The following PTCHD1 variants were observed in gnomAD, a reference collection of about 807,000 sequenced individuals.
PTCHD1 encodes the protein patched domain containing 1.
A neutral mutation model predicts 34.6 loss-of-function variants in PTCHD1; 3 were observed. The observed-to-expected ratio is 0.09, with a 90% confidence interval of 0.04 to 0.22. The LOEUF is 0.22. Ranked by LOEUF, PTCHD1 falls within the 10% of genes least tolerant of loss-of-function variation. The probability of loss-of-function intolerance (pLI) is 1.00; values close to 1 mark genes in which losing one functional copy is unlikely to be tolerated. For missense variants in PTCHD1, 504 were observed against 685.5 expected, an observed-to-expected ratio of 0.74 and a Z score of 2.96; for synonymous variants, 305 against 283.1, an observed-to-expected ratio of 1.08 and a Z score of -0.77.
chrX:23,391,762 T>C (rs192327351), intron 2 of PTCHD1, among the ~76,000 whole-genome samples: 2 of 112,142 alleles, frequency 1.8e-5, no homozygotes. Context: ...TCCAGACATC[T>C]TCTCTTCTCT....
chrX:23,372,484 C>G (rs1334970294), intron 1 of PTCHD1, among the ~76,000 whole-genome samples: 1 of 111,110 alleles, frequency 9.0e-6, no homozygotes, highest in Non-Finnish European at 1.9e-5. Context: ...TTGTTTATCT[C>G]TAAGTCATGT....
At position 23,379,741 on chromosome X, in the gene PTCHD1, C is replaced by T. The variant is rs753897718; in HGVS notation, c.502C>T (p.Arg168Trp). Residue 168 changes from arginine (R) to tryptophan (W), a missense_variant, in exon 2 of 3, where the codon CGG (arginine) becomes TGG (tryptophan). Transcript: ENST00000379361. ...EELKNARATNRTNFAITYPIT... is the reference protein window; with the variant it reads ...EELKNARATNWTNFAITYPIT... ...GCTAAAGAATGCTCGGGCCACCAAT[C>T]GGACCAATTTTGCTATCACATACCC... 6 of 1,211,271 alleles carry T rather than the reference C, an allele frequency of 5.0e-6. No homozygotes were observed. Among genetic ancestry groups the T allele is most frequent in the African/African-American group, 3.5e-5 (2 of 57,586 alleles).
At chrX:23,371,634 G>A (rs1276341067) in intron 1 of PTCHD1, among the ~76,000 whole-genome samples, 2 of 110,944 alleles carry the variant, frequency 1.8e-5, no homozygotes, top group Non-Finnish European at 3.8e-5. Context: ...GGGGATATGC[G>A]CAGGGCCCAG....
intron 1 of PTCHD1, among the ~76,000 whole-genome samples, chrX:23,372,470 T>C (rs969866892): frequency 9.0e-6 from 1 of 111,024 alleles, no homozygotes; most frequent in African/African-American, 3.3e-5. Flanking sequence ...ATAGGTTCAT[T>C]GTTTTGTTTA....
In PTCHD1 at chrX:23,370,463, C is replaced by T. The variant is rs1352424052; in HGVS notation, c.352-9128C>T. 3.0e-4 allele frequency among the ~76,000 whole-genome samples: 34 copies of T among 112,134 alleles called. No individual in the cohort carries two copies. The Admixed American group carries it at 3.1e-3, about 10-fold the overall frequency. ...GAAATGCTCCTGTGATTTTTAAGGGCAGTAGCTTTGTATGAGAACCTTGAG... is the reference window on the plus strand; with the variant it reads ...GAAATGCTCCTGTGATTTTTAAGGGTAGTAGCTTTGTATGAGAACCTTGAG... On this transcript the variant is annotated intron_variant, in intron 1 of 2. Coordinates refer to ENST00000379361, the MANE Select transcript of PTCHD1 (RefSeq NM_173495.3).
chrX:23,382,281 TTAAG>T (rs1190077386), intron 2 of PTCHD1, among the ~76,000 whole-genome samples: 1 of 112,757 alleles, frequency 8.9e-6, no homozygotes. Context: ...CAAATTAATT[TTAAG>T]TAAACTAAAA....
Position 23,394,062 on chromosome X carries a change from C to T in PTCHD1, c.2544C>T (p.Phe848=). Residue 848 remains phenylalanine, a synonymous_variant, in exon 3 of 3, where the codon TTC becomes TTT. Transcript: ENST00000379361. The stretch of plus-strand genomic sequence containing the variant: ...CCATTTTACCTGTGATACTGACTTT[C>T]CTGCCACCCTCTAAGAAAAAAAGGA... The part of the protein sequence containing the change: ...CFAILPVILT[F]LPPSKKKRKE... 8.3e-7 allele frequency: 1 copy of T among 1,209,097 alleles called. No homozygotes were observed. Among genetic ancestry groups the T allele is most frequent in the South Asian group, 1.8e-5 (1 of 56,853 alleles).
intron 2 of PTCHD1, among the ~76,000 whole-genome samples, chrX:23,382,945 T>C (rs1485377975): frequency 1.8e-5 from 2 of 112,520 alleles, no homozygotes; most frequent in Non-Finnish European, 3.8e-5. Flanking sequence ...ATTTCTCAGA[T>C]AAACTCTTCA....
chrX:23,379,057 G>A (rs1448709702), intron 1 of PTCHD1, among the ~76,000 whole-genome samples: 1 of 111,845 alleles, frequency 8.9e-6, no homozygotes, highest in Non-Finnish European at 1.9e-5. Flanking sequence ...TCATTTAGTT[G>A]CCCTGCAAAT....
intron 1 of PTCHD1, among the ~76,000 whole-genome samples, chrX:23,376,558 G>A (rs977744822): frequency 8.9e-6 from 1 of 112,274 alleles, no homozygotes; most frequent in Non-Finnish European, 1.9e-5. Flanking sequence ...GGTAGCATGC[G>A]CAGTATATCT....
intron 1 of PTCHD1, among the ~76,000 whole-genome samples, 169 bp from the exon 2 acceptor site, chrX:23,379,422 C>A (rs868090965): frequency 8.9e-6 from 1 of 111,800 alleles, no homozygotes; most frequent in Non-Finnish European, 1.9e-5. Context: ...GGCCACATTG[C>A]GAGAACCACT....
chrX:23,349,285 A>G (rs1448131500), intron 1 of PTCHD1, among the ~76,000 whole-genome samples: 1 of 112,055 alleles, frequency 8.9e-6, no homozygotes, highest in Non-Finnish European at 1.9e-5. Context: ...AGTTACCACC[A>G]TGGTAGATAT....
chrX:23,338,068 C>T (rs1007427817), intron 1 of PTCHD1, among the ~76,000 whole-genome samples: 2 of 111,392 alleles, frequency 1.8e-5, no homozygotes, highest in African/African-American at 3.3e-5. Flanking sequence ...CTCGAATATG[C>T]GCAAGTGATA....
chrX:23,348,254 C>G (rs753038624), intron 1 of PTCHD1, among the ~76,000 whole-genome samples: 1 of 84,508 alleles, frequency 1.2e-5, no homozygotes, highest in Non-Finnish European at 2.2e-5. Context: ...AACTGAAACA[C>G]AAAGAGTTAA....
At position 23,398,947 on chromosome X, in the gene PTCHD1, T is replaced by G. The variant is rs1307495008; in HGVS notation, c.*4762T>G. On this transcript the variant is annotated 3_prime_UTR_variant, in exon 3 of 3. Coordinates refer to ENST00000379361, the MANE Select transcript of PTCHD1 (RefSeq NM_173495.3). Reference sequence around the variant, plus strand: ...GGCGACCGGAGAGCTATGGCCTCTGTGCAGATTTTTGAGTTAGATTAAAAT... The same window carrying G: ...GGCGACCGGAGAGCTATGGCCTCTGGGCAGATTTTTGAGTTAGATTAAAAT... 1 of 111,269 alleles carries G rather than the reference T, an allele frequency of 9.0e-6. No individual in the cohort carries two copies. Among genetic ancestry groups the G allele is most frequent in the Non-Finnish European group, 1.9e-5 (1 of 53,113 alleles). The allele number at this position is 111,269 out of a possible 1,213,427, so 9.2% of individuals were successfully genotyped here. A position where few individuals can be genotyped will look rare whatever the true frequency, so the allele number is the denominator to read the frequency against.
intron 2 of PTCHD1, among the ~76,000 whole-genome samples, chrX:23,386,722 T>G (rs1922694356): frequency 8.9e-6 from 1 of 112,939 alleles, no homozygotes; most frequent in African/African-American, 3.2e-5. Context: ...AGATTTTGCT[T>G]ATGGATTATA....
intron 1 of PTCHD1, among the ~76,000 whole-genome samples, chrX:23,336,015 C>T (rs937923153): frequency 3.6e-5 from 4 of 111,038 alleles, no homozygotes; most frequent in African/African-American, 1.3e-4. Context: ...GGGCAGAGCC[C>T]GAAGGGTGAG....
At chrX:23,335,316 C>G in intron 1 of PTCHD1, 90 bp downstream of exon 1, 1 of 757,162 alleles carries the variant, frequency 1.3e-6, no homozygotes, top group Non-Finnish European at 2.0e-6. Flanking sequence ...AGAGCGCCAC[C>G]TCTCCTAGCC....
At chrX:23,342,739 C>T in intron 1 of PTCHD1, among the ~76,000 whole-genome samples, 1 of 111,160 alleles carries the variant, frequency 9.0e-6, no homozygotes. Flanking sequence ...CAGAAGTCTG[C>T]AGGCCCCCAT....
Sources: gnomAD v4.1 joint callset for allele counts (sites outside exome capture counted in the v4.1 genomes callset) on GRCh38, gnomAD v4.1.1 for gene constraint, MANE v1.5 for transcripts, NCBI Gene and HGNC (gene_info 2026-07-23, HGNC 2026-07-21) for gene names.